PHF2: variants seen among roughly 807,000 people sequenced by gnomAD.
The protein encoded by PHF2 is lysine-specific demethylase PHF2.
Under a neutral mutation model 120.5 loss-of-function variants are expected in PHF2, and 27 were observed. The observed-to-expected ratio is 0.22, with a 90% confidence interval of 0.17 to 0.31. The LOEUF (loss-of-function observed/expected upper bound fraction) is 0.31, where lower values mean the gene tolerates loss of function less well. Ranked by LOEUF, PHF2 falls within the 10% of genes least tolerant of loss-of-function variation. The pLI, the probability that PHF2 is intolerant of heterozygous loss-of-function variation, is 1.00. For missense variants in PHF2, 1,024 were observed against 1,434.8 expected (o/e 0.71, Z 4.63); for synonymous variants, 568 against 592.5 (o/e 0.96, Z 0.60).
At chr9:93,609,104 T>TTTTTTTTTTTTTTTTTTTTTTGAGACGG (rs1564379539) in intron 1 of PHF2, among the ~76,000 whole-genome samples, 1 of 149,658 alleles carries the variant, frequency 6.7e-6, no homozygotes, top group Non-Finnish European at 1.5e-5. Context: ...GTGGTTGTTT[T>TTTTTTTTTTTTTTTTTTTTTTGAGACGG]AAAATGTGCG....
intron 3 of PHF2, among the ~76,000 whole-genome samples, chr9:93,639,627 G>GTGA (rs1190476772): frequency 6.6e-6 from 1 of 152,106 alleles, no homozygotes; most frequent in Non-Finnish European, 1.5e-5. Flanking sequence ...AAGTGGCAAG[G>GTGA]TGAGGGTGGT....
intron 1 of PHF2, among the ~76,000 whole-genome samples, chr9:93,590,831 GT>G (rs757022878): frequency 6.6e-6 from 1 of 152,246 alleles, no homozygotes; most frequent in Non-Finnish European, 1.5e-5. Flanking sequence ...TCTGGTTGTG[GT>G]GGTGGTTTCT....
intron 2 of PHF2, among the ~76,000 whole-genome samples, chr9:93,630,909 G>C (rs1346614076): frequency 6.6e-6 from 1 of 152,196 alleles, no homozygotes; most frequent in African/African-American, 2.4e-5. Flanking sequence ...CCCTGGCTGG[G>C]TCAGCTGATC....
intron 1 of PHF2, among the ~76,000 whole-genome samples, chr9:93,590,375 G>C (rs1441632817): frequency 1.3e-5 from 2 of 152,130 alleles, no homozygotes; most frequent in Admixed American, 6.5e-5. Flanking sequence ...TGAGAAGGGC[G>C]CCCCACTTTG....
rs140211913 is a variant in PHF2, at chr9:93,605,666, G to A, written c.99-24304G>A. Among the ~76,000 whole-genome samples, 425 of 152,324 alleles carry A rather than the reference G, an allele frequency of 2.8e-3. 1 individual carries two copies. The highest frequency in any genetic ancestry group is 9.7e-3 in the African/African-American group (402 of 41,566). On this transcript the variant is annotated intron_variant, in intron 1 of 21. Coordinates refer to ENST00000359246, the MANE Select transcript of PHF2 (RefSeq NM_005392.4). Reference sequence around the variant, plus strand: ...TCATATAGTAGAAATCACGTAGTATGTCGGCTTTTCACTTGGGCTTCTTTT... The same window carrying A: ...TCATATAGTAGAAATCACGTAGTATATCGGCTTTTCACTTGGGCTTCTTTT...
rs755935019 is a variant in PHF2, at chr9:93,658,180, C to G, written c.1183C>G (p.Leu395Val). Residue 395 changes from leucine (L) to valine (V), a missense_variant, in exon 10 of 22, where the codon CTA becomes GTA. Leu to Val is a conservative substitution (Grantham distance 32, BLOSUM62 1). This residue lies in a region of PHF2 where 347 missense variants were observed against 577.4 expected (regional missense o/e 0.60). Coordinates refer to ENST00000359246, the MANE Select transcript of PHF2 (RefSeq NM_005392.4). Reference protein sequence around the residue: ...HKSGKQLPPHLVQGAKILNGA... With the variant: ...HKSGKQLPPHVVQGAKILNGA... ...ATCTGGGAAGCAGCTGCCCCCTCAT[C>G]TAGTCCAAGGAGCTAAAATTCTCAA... The G allele has an allele frequency of 1.2e-6, 2 of 1,613,290 alleles. No homozygotes were observed. Among genetic ancestry groups the G allele is most frequent in the Admixed American group, 1.7e-5 (1 of 59,962 alleles).
At chr9:93,586,970 G>A (rs1863057607) in intron 1 of PHF2, among the ~76,000 whole-genome samples, 1 of 152,236 alleles carries the variant, frequency 6.6e-6, no homozygotes, top group South Asian at 2.1e-4. Flanking sequence ...CCAAATGAGG[G>A]GAGATATGGT....
intron 1 of PHF2, among the ~76,000 whole-genome samples, chr9:93,617,678 C>T (rs568400226): frequency 5.2e-4 from 79 of 152,300 alleles, no homozygotes; most frequent in Non-Finnish European, 7.6e-4. Flanking sequence ...TTAACTCACA[C>T]GATCACAAGG....
rs552006742 is a variant in PHF2, at chr9:93,615,401, G to A, written c.99-14569G>A. ...TGATGGTGACAGTGATGATGATGACGATGATGATGGTGATGATAACTATGA... is the reference window on the plus strand; with the variant it reads ...TGATGGTGACAGTGATGATGATGACAATGATGATGGTGATGATAACTATGA... On this transcript the variant is annotated intron_variant, in intron 1 of 21. Transcript: ENST00000359246. Among the ~76,000 whole-genome samples, 17 of 152,280 alleles carry A rather than the reference G, an allele frequency of 1.1e-4. No homozygotes were observed. The East Asian group carries it at 1.9e-3, about 17-fold the overall frequency.
chr9:93,649,172 C>T lies in PHF2; in HGVS notation c.562C>T (p.Arg188Trp). The change falls in exon 5 of 22, where the codon CGG becomes TGG. Residue 188 changes from arginine (R) to tryptophan (W), a missense_variant. Transcript: ENST00000359246. ...CTATTACTACAGCACCAACCGCAAG[C>T]GGGTCCTCAACGTCACCAACCTCGA... Reference protein sequence around the residue: ...VDYYYSTNRKRVLNVTNLEFS... With the variant: ...VDYYYSTNRKWVLNVTNLEFS... 5 of 1,428,604 alleles carry T rather than the reference C, an allele frequency of 3.5e-6. No homozygotes were observed. The highest frequency in any genetic ancestry group is 2.8e-6 in the Non-Finnish European group (3 of 1,070,380). 88.5% of individuals were successfully genotyped at this position (1,428,604 alleles called of 1,614,324 possible).
chr9:93,676,867 C>G lies in PHF2; in HGVS notation c.3106C>G (p.Gln1036Glu). ...AGCCGCTGGCACCTTCACCGGGGCC[C>G]AGGCTGGCCGCACCTCCCAGCCCAT... ...YTAAGTFTGA[Q>E]AGRTSQPMAP... The change falls in exon 21 of 22, where the codon CAG becomes GAG. Residue 1036 changes from glutamine to glutamate, a missense_variant. Gln to Glu is a conservative substitution (Grantham distance 29). Transcript: ENST00000359246. 1 of 1,571,288 alleles carries G rather than the reference C, an allele frequency of 6.4e-7. No individual in the cohort carries two copies. Among genetic ancestry groups the G allele is most frequent in the Non-Finnish European group, 8.6e-7 (1 of 1,158,462 alleles).
Position 93,660,429 on chromosome 9 carries a change from C to G in PHF2, c.1567C>G (p.Leu523Val), listed in dbSNP as rs773054446. ...KPPRPPKTLK[L>V]KDGGKKKGKK... ...CCCAAGGCCCCCCAAAACGCTGAAG[C>G]TCAAAGATGGAGGCAAGAAGAAAGG... The change falls in exon 12 of 22, where the codon CTC becomes GTC. Residue 523 changes from leucine to valine, a missense_variant. By Grantham distance (32) the Leu-to-Val change is conservative. Coordinates refer to ENST00000359246, the MANE Select transcript of PHF2 (RefSeq NM_005392.4). The G allele has an allele frequency of 1.9e-6, 3 of 1,541,958 alleles. No individual in the cohort carries two copies. Among genetic ancestry groups the G allele is most frequent in the Non-Finnish European group, 2.6e-6 (3 of 1,146,570 alleles).
intron 5 of PHF2, among the ~76,000 whole-genome samples, chr9:93,650,423 C>A (rs1190787895): frequency 6.6e-6 from 1 of 152,170 alleles, no homozygotes; most frequent in African/African-American, 2.4e-5. Flanking sequence ...TGCACACACC[C>A]GTGTAGACGC....
rs187594032 is a variant in PHF2, at chr9:93,642,272, T to C, written c.300-3357T>C. ...TCATCTGAGTGCTTTGCATTTTTAT[T>C]CAGCATTCCAAGTTTAGTTTGTCAA... On this transcript the variant is annotated intron_variant, in intron 3 of 21. Coordinates refer to ENST00000359246, the MANE Select transcript of PHF2 (RefSeq NM_005392.4). Among the ~76,000 whole-genome samples, 360 of 152,378 alleles carry C rather than the reference T, an allele frequency of 2.4e-3. 1 individual carries two copies. The highest frequency in any genetic ancestry group is 8.2e-3 in the African/African-American group (342 of 41,586).
intron 1 of PHF2, among the ~76,000 whole-genome samples, chr9:93,592,546 T>C (rs1345494004): frequency 6.6e-6 from 1 of 152,126 alleles, no homozygotes; most frequent in Non-Finnish European, 1.5e-5. Context: ...GGGTGGAGCT[T>C]AGGGACAAGA....
intron 5 of PHF2, among the ~76,000 whole-genome samples, chr9:93,652,290 C>CTTTTTTT (rs751282822): frequency 1.0e-5 from 1 of 96,360 alleles, no homozygotes; most frequent in African/African-American, 4.5e-5. Flanking sequence ...TTGAGCTTGA[C>CTTTTTTT]TTTTTTTTTT....
In PHF2 at chr9:93,660,214, C is replaced by G; in HGVS notation, c.1352C>G (p.Pro451Arg). 6.3e-7 allele frequency: 1 copy of G among 1,576,784 alleles called. No individual in the cohort carries two copies. Among genetic ancestry groups the G allele is most frequent in the Non-Finnish European group, 8.6e-7 (1 of 1,165,412 alleles). The change falls in exon 12 of 22, where the codon CCG becomes CGG. Residue 451 changes from proline (P) to arginine (R), a missense_variant. Pro to Arg is a moderately radical substitution (Grantham distance 103). This residue lies in a region of PHF2 where 677 missense variants were observed against 857.4 expected (regional missense o/e 0.79). Transcript: ENST00000359246. ...LSENASKAVR[P>R]EVNTVASSDE... ...CAGAATGCCTCCAAAGCCGTCCGAC[C>G]GGAAGTGAATACTGTCGCCTCGTCA... is the stretch of plus-strand genomic sequence containing the variant.
chr9:93,652,076 G>A (rs1204180908), intron 5 of PHF2, among the ~76,000 whole-genome samples: 2 of 152,184 alleles, frequency 1.3e-5, no homozygotes, highest in Non-Finnish European at 2.9e-5. Flanking sequence ...GAGGCTAGTG[G>A]GATTGGGGCG....
intron 11 of PHF2, 109 bp from the exon 12 acceptor site, chr9:93,660,083 A>AGT (rs1826532649): frequency 7.4e-7 from 1 of 1,351,418 alleles, no homozygotes; most frequent in Non-Finnish European, 9.9e-7. Flanking sequence ...CTGGGCTGAT[A>AGT]GTTCCCCGCC....
Sources: allele counts gnomAD v4.1 joint callset (sites outside exome capture counted in the v4.1 genomes callset), GRCh38; gene constraint gnomAD v4.1.1; regional missense constraint gnomAD v4.1.1; transcripts MANE v1.5; gene names NCBI Gene and HGNC (gene_info 2026-07-23, HGNC 2026-07-21).